The following KYAT1 variants were observed in gnomAD, a reference collection of about 807,000 sequenced individuals.
KYAT1 encodes kynurenine--oxoglutarate transaminase 1.
Under a neutral mutation model 52.4 loss-of-function variants are expected in KYAT1, and 47 were observed. The observed-to-expected ratio is 0.90, with a 90% confidence interval of 0.71 to 1.14. The LOEUF is 1.14. Among genes scored for constraint, KYAT1 ranks in the 50% most tolerant of loss-of-function variants. The pLI, the probability that KYAT1 is intolerant of heterozygous loss-of-function variation, is 0.00. For missense variants in KYAT1, 480 were observed against 557.9 expected, an observed-to-expected ratio of 0.86 and a Z score of 1.41; for synonymous variants, 212 against 209.6, an observed-to-expected ratio of 1.01 and a Z score of -0.10.
At chr9:128,843,779 T>C (rs1480650101) in intron 2 of KYAT1, among the ~76,000 whole-genome samples, 1 of 152,174 alleles carries the variant, frequency 6.6e-6, no homozygotes, top group East Asian at 1.9e-4. Flanking sequence ...TTCTGTCCTG[T>C]CCTATCCTAC....
At chr9:128,873,978 G>A (rs1270108584) in intron 1 of KYAT1, among the ~76,000 whole-genome samples, 2 of 150,602 alleles carry the variant, frequency 1.3e-5, no homozygotes, top group Admixed American at 6.6e-5. Context: ...TTCTGAGGCC[G>A]GGCGTGGTGG....
intron 1 of KYAT1, among the ~76,000 whole-genome samples, chr9:128,880,074 T>C (rs1054683880): frequency 6.6e-6 from 1 of 152,216 alleles, no homozygotes; most frequent in Non-Finnish European, 1.5e-5. Flanking sequence ...ATGAGACTTA[T>C]CTGCGTGTAA....
chr9:128,836,631 C>T (rs1339722120), intron 7 of KYAT1, among the ~76,000 whole-genome samples, 171 bp downstream of exon 7: 2 of 152,078 alleles, frequency 1.3e-5, no homozygotes, highest in African/African-American at 4.8e-5. Context: ...TTTCGACAAC[C>T]AGGGAGGCAG....
chr9:128,838,390 C>T, intron 3 of KYAT1, 23 bp from the exon 4 acceptor site: 1 of 1,613,850 alleles, frequency 6.2e-7, no homozygotes, highest in Non-Finnish European at 8.5e-7. Flanking sequence ...CAGGGGTTAA[C>T]TGTCCAGCTC....
At chr9:128,879,926 AG>A (rs1838569254) in intron 1 of KYAT1, among the ~76,000 whole-genome samples, 1 of 152,184 alleles carries the variant, frequency 6.6e-6, no homozygotes, top group African/African-American at 2.4e-5. Context: ...TAGGTCCCCC[AG>A]GCATTAGCAC....
chr9:128,837,201 G>T (rs1831286474), intron 6 of KYAT1, among the ~76,000 whole-genome samples: 1 of 152,190 alleles, frequency 6.6e-6, no homozygotes, highest in Admixed American at 6.5e-5. Context: ...GGCTGAGGCA[G>T]GAGAATTGCT....
intron 1 of KYAT1, among the ~76,000 whole-genome samples, chr9:128,848,934 C>T (rs868000123): frequency 3.3e-4 from 50 of 151,126 alleles, no homozygotes; most frequent in African/African-American, 9.7e-4. Context: ...TTGAGACCAG[C>T]GAAACCCCAT....
At chr9:128,840,487 G>A (rs1251541145) in intron 3 of KYAT1, 12 of 350,002 alleles carry the variant, frequency 3.4e-5, no homozygotes, top group East Asian at 3.2e-4. Context: ...CTGACCTCAG[G>A]TGATCTGCCA....
At chr9:128,835,741 G>T (rs751403330) in intron 9 of KYAT1, 38 bp downstream of exon 9, 1 of 1,604,710 alleles carries the variant, frequency 6.2e-7, no homozygotes, top group South Asian at 1.1e-5. Flanking sequence ...CTCTTTTGTT[G>T]TCCCCCCACT....
intron 1 of KYAT1, among the ~76,000 whole-genome samples, chr9:128,857,334 G>T (rs1011852022): frequency 2.2e-4 from 34 of 152,154 alleles, no homozygotes; most frequent in African/African-American, 8.2e-4. Context: ...TTGATATGCT[G>T]CTTGCCAGTC....
chr9:128,839,028 A>G (rs959177309), intron 3 of KYAT1, among the ~76,000 whole-genome samples: 3 of 151,866 alleles, frequency 2.0e-5, no homozygotes, highest in African/African-American at 7.3e-5. Flanking sequence ...CAGTGGCACA[A>G]TCGCGGCTCC....
At chr9:128,861,316 T>C (rs979941028) in intron 1 of KYAT1, among the ~76,000 whole-genome samples, 5 of 152,180 alleles carry the variant, frequency 3.3e-5, no homozygotes, top group African/African-American at 1.2e-4. Context: ...GTGCTGGCGA[T>C]AATGAGTGAG....
chr9:128,840,685 A>AT (rs1564456573), intron 3 of KYAT1: 1 of 434,918 alleles, frequency 2.3e-6, no homozygotes, highest in East Asian at 7.1e-5. Flanking sequence ...ATTGGCAGGG[A>AT]TGTAAATGAG....
chr9:128,857,663 C>T (rs947396731), intron 1 of KYAT1, among the ~76,000 whole-genome samples: 2 of 152,106 alleles, frequency 1.3e-5, no homozygotes, highest in South Asian at 2.1e-4. Context: ...AGTGAAACCC[C>T]GTCTCTACTA....
intron 1 of KYAT1, among the ~76,000 whole-genome samples, chr9:128,871,341 C>T (rs1370625561): frequency 6.8e-6 from 1 of 147,860 alleles, no homozygotes; most frequent in East Asian, 2.0e-4. Context: ...ACAAAACAAA[C>T]AAAAACAAAC....
At chr9:128,842,613 C>G (rs763508719) in intron 3 of KYAT1, 41 bp downstream of exon 3, 23 of 1,598,920 alleles carry the variant, frequency 1.4e-5, no homozygotes, top group Middle Eastern at 3.3e-4. Flanking sequence ...GCCCTGTCCC[C>G]TTCCTCCCCC....
At chr9:128,837,882 TC>T in intron 5 of KYAT1, 69 bp from the exon 6 acceptor site, 1 of 1,572,904 alleles carries the variant, frequency 6.4e-7, no homozygotes, top group Non-Finnish European at 8.7e-7. Context: ...CCAGCATCTA[TC>T]CCCACCTTCT....
intron 11 of KYAT1, 37 bp from the exon 12 acceptor site, chr9:128,833,863 G>A (rs774287528): frequency 3.8e-6 from 6 of 1,574,874 alleles, no homozygotes; most frequent in Admixed American, 1.7e-5. Flanking sequence ...ACACGGCCTC[G>A]TGGCCCAGCA....
chr9:128,858,166 G>A (rs544616622), intron 1 of KYAT1, among the ~76,000 whole-genome samples: 5 of 152,036 alleles, frequency 3.3e-5, no homozygotes, highest in African/African-American at 1.2e-4. Context: ...GGAGGCTGAG[G>A]TGGGTGGGTC....
Sources: allele counts gnomAD v4.1 joint callset (sites outside exome capture counted in the v4.1 genomes callset), GRCh38; gene constraint gnomAD v4.1.1; transcripts MANE v1.5; gene names NCBI Gene and HGNC (gene_info 2026-07-23, HGNC 2026-07-21).